Variants in KANSL1L observed in about 807,000 individuals in gnomAD.
KANSL1L encodes KAT8 regulatory NSL complex subunit 1-like protein.
A neutral mutation model predicts 108.6 loss-of-function variants in KANSL1L; 25 were observed. The observed-to-expected ratio is 0.23, with a 90% CI of 0.17 to 0.32. The LOEUF is 0.32. Among genes scored for constraint, KANSL1L ranks in the 10% least tolerant of loss-of-function variants. The pLI is 1.00. For missense variants in KANSL1L, 1,137 were observed against 1,125.7 expected, an observed-to-expected ratio of 1.01 and a Z score of -0.14; for synonymous variants, 405 against 395.1, an observed-to-expected ratio of 1.03 and a Z score of -0.30.
intron 11 of KANSL1L, among the ~76,000 whole-genome samples, chr2:210,027,800 C>T (rs1410369514): frequency 6.6e-6 from 1 of 152,190 alleles, no homozygotes; most frequent in African/African-American, 2.4e-5. Flanking sequence ...AGCCAGCTAG[C>T]TCCAGCCTAC....
intron 5 of KANSL1L, among the ~76,000 whole-genome samples, chr2:210,083,468 C>T (rs556096919): frequency 1.3e-5 from 2 of 152,134 alleles, no homozygotes; most frequent in African/African-American, 4.8e-5. Context: ...CTTTTCCATA[C>T]TTTCCCTACT....
In KANSL1L at chr2:210,098,787, T is replaced by C. The variant is rs553441715; in HGVS notation, c.1429-580A>G. ...GGCCTAAATCTAACAACACACTGTTTCTCAATATTTTTCCTAATTCACAAA... is the reference window on the plus strand; with the variant it reads ...GGCCTAAATCTAACAACACACTGTTCCTCAATATTTTTCCTAATTCACAAA... On this transcript the variant is annotated intron_variant, in intron 4 of 14. Transcript: ENST00000281772. Among the ~76,000 whole-genome samples, 8 of 147,068 alleles carry C rather than the reference T, an allele frequency of 5.4e-5. No homozygotes were observed. The East Asian group carries it at 1.6e-3, about 30-fold the overall frequency.
At chr2:210,127,797 T>TC (rs2095081191) in intron 3 of KANSL1L, among the ~76,000 whole-genome samples, 1 of 5,572 alleles carries the variant, frequency 1.8e-4, no homozygotes, top group Non-Finnish European at 6.7e-4. Context: ...AGACTCTGCC[T>TC]CAAAAAAAAA....
chr2:210,032,129 G>T (rs1163431599), intron 8 of KANSL1L: 2 of 152,142 alleles, frequency 1.3e-5, no homozygotes, highest in African/African-American at 4.8e-5. Flanking sequence ...TCCAGCCTTG[G>T]TCTAACAACC....
intron 3 of KANSL1L, among the ~76,000 whole-genome samples, chr2:210,123,571 A>G (rs2095040422): frequency 6.6e-6 from 1 of 152,074 alleles, no homozygotes; most frequent in Admixed American, 6.6e-5. Context: ...GGGTACAAAA[A>G]TATAATTAGA....
intron 5 of KANSL1L, among the ~76,000 whole-genome samples, chr2:210,087,537 A>T (rs2094649376): frequency 6.6e-6 from 1 of 152,222 alleles, no homozygotes. Flanking sequence ...AGTACAAAAT[A>T]TTCCTTATGA....
chr2:210,139,086 A>G (rs1306367031), intron 2 of KANSL1L, among the ~76,000 whole-genome samples: 2 of 152,118 alleles, frequency 1.3e-5, no homozygotes, highest in Non-Finnish European at 2.9e-5. Context: ...GCAACAAAGC[A>G]AGACTCCATC....
intron 6 of KANSL1L, among the ~76,000 whole-genome samples, chr2:210,059,482 C>T (rs34329460): frequency 6.6e-6 from 1 of 152,222 alleles, no homozygotes; most frequent in African/African-American, 2.4e-5. Flanking sequence ...TATGAAACCA[C>T]TAAAATGTGC....
rs1238130541 is a variant in KANSL1L, at chr2:210,022,122, A to AGAT, written c.*824_*826dup. 1.3e-5 allele frequency: 2 copies of AGAT among 151,808 alleles called. No homozygotes were observed. The highest frequency in any genetic ancestry group is 4.8e-5 in the African/African-American group (2 of 41,318). The allele number at this position is 151,808 out of a possible 1,614,324, so 9.4% of individuals were successfully genotyped here. On this transcript the variant is annotated 3_prime_UTR_variant, in exon 15 of 15. Coordinates refer to ENST00000281772, the MANE Select transcript of KANSL1L (RefSeq NM_152519.4). The stretch of plus-strand genomic sequence containing the variant: ...GGTAAAACTCAAATTGAGTTTTCAA[A>AGAT]GATGTGATAGTATTAAAGTGCACCA...
intron 2 of KANSL1L, chr2:210,152,196 C>A (rs1320932493): frequency 6.6e-6 from 1 of 152,178 alleles, no homozygotes; most frequent in African/African-American, 2.4e-5. Context: ...TGACAGACTT[C>A]TTTCCCCCAA....
At chr2:210,085,639 A>G (rs907928440) in intron 5 of KANSL1L, among the ~76,000 whole-genome samples, 1 of 152,076 alleles carries the variant, frequency 6.6e-6, no homozygotes, top group African/African-American at 2.4e-5. Context: ...CTCAACAGAA[A>G]TATAGTTTTC....
intron 6 of KANSL1L, among the ~76,000 whole-genome samples, chr2:210,049,765 A>C (rs1177407348): frequency 1.3e-5 from 2 of 152,248 alleles, no homozygotes; most frequent in Non-Finnish European, 1.5e-5. Flanking sequence ...GATATTAAGT[A>C]ATAGCTACAA....
At chr2:210,166,394 ATTT>A (rs1687964551) in intron 1 of KANSL1L, among the ~76,000 whole-genome samples, 1 of 152,130 alleles carries the variant, frequency 6.6e-6, no homozygotes, top group Non-Finnish European at 1.5e-5. Flanking sequence ...ATTTCAAAAA[ATTT>A]TTGACAAACT....
In KANSL1L at chr2:210,047,396, C is replaced by T. The variant is rs73063925; in HGVS notation, c.1756-3292G>A. Reference sequence around the variant, plus strand: ...CTAAGAGATTTTTTCAGCCAAATAACCAATTTCATTGCTTGCAATTTCTAC... The same window carrying T: ...CTAAGAGATTTTTTCAGCCAAATAATCAATTTCATTGCTTGCAATTTCTAC... On this transcript the variant is annotated intron_variant, in intron 6 of 14. Transcript: ENST00000281772. 8.5e-3 allele frequency among the ~76,000 whole-genome samples: 1,294 copies of T among 152,272 alleles called. 20 individuals are homozygous for T. The highest frequency in any genetic ancestry group is 0.029 in the African/African-American group (1,190 of 41,566).
intron 3 of KANSL1L, among the ~76,000 whole-genome samples, chr2:210,106,760 G>C (rs2125444055): frequency 9.8e-6 from 1 of 101,848 alleles, no homozygotes; most frequent in Middle Eastern, 7.7e-3. Flanking sequence ...CAGAGACTCT[G>C]TCAAAAAAAA....
At chr2:210,088,993 C>A in intron 5 of KANSL1L, 1 of 170,150 alleles carries the variant, frequency 5.9e-6, no homozygotes, top group South Asian at 1.5e-4. Flanking sequence ...AGCTATTCCT[C>A]AGTTCCAGGG....
intron 6 of KANSL1L, among the ~76,000 whole-genome samples, chr2:210,050,796 TGGGGCTGCAGAGAA>T (rs1435649567): frequency 5.9e-5 from 9 of 151,702 alleles, no homozygotes; most frequent in Non-Finnish European, 1.3e-4. Flanking sequence ...CCCAGGAGGT[TGGGGCTGCAGAGAA>T]CTGTGATTGT....
chr2:210,170,418 C>A (rs1220118828), intron 1 of KANSL1L: 5 of 982,878 alleles, frequency 5.1e-6, no homozygotes, highest in African/African-American at 1.7e-5. Context: ...CAGTGCCTGC[C>A]CTCCCGACTG....
At chr2:210,170,258 C>T (rs1245840833) in intron 1 of KANSL1L, 7 of 560,688 alleles carry the variant, frequency 1.2e-5, no homozygotes, top group Non-Finnish European at 1.6e-5. Flanking sequence ...TGGCTAAAGA[C>T]GAAGGAAGTT....
Sources: allele counts gnomAD v4.1 joint callset (sites outside exome capture counted in the v4.1 genomes callset), GRCh38; gene constraint gnomAD v4.1.1; transcripts MANE v1.5; gene names NCBI Gene and HGNC (gene_info 2026-07-23, HGNC 2026-07-21).